Variants in GRID2 observed in about 807,000 individuals in gnomAD.
GRID2 encodes glutamate receptor ionotropic, delta-2.
Under a neutral mutation model 114.8 loss-of-function variants are expected in GRID2, and 33 were observed. The observed-to-expected ratio is 0.29, with a 90% confidence interval of 0.22 to 0.38. The LOEUF is 0.38. Among genes scored for constraint, GRID2 ranks in the 10% least tolerant of loss-of-function variants. GRID2 has a pLI of 1.00. For missense variants in GRID2, 1,184 were observed against 1,257.7 expected, an observed-to-expected ratio of 0.94 and a Z score of 0.89; for synonymous variants, 505 against 449.9, an observed-to-expected ratio of 1.12 and a Z score of -1.55.
At chr4:93,349,951 T>C (rs1760633315) in intron 8 of GRID2, among the ~76,000 whole-genome samples, 1 of 152,048 alleles carries the variant, frequency 6.6e-6, no homozygotes, top group African/African-American at 2.4e-5. Flanking sequence ...TCTTTAAAAA[T>C]ATGTGTGGAG....
intron 1 of GRID2, among the ~76,000 whole-genome samples, chr4:92,453,310 G>A (rs115404503): frequency 5.3e-5 from 8 of 152,250 alleles, no homozygotes; most frequent in African/African-American, 1.9e-4. Flanking sequence ...AGGCCAACAG[G>A]GAGTCATTGT....
At chr4:92,551,163 G>C (rs1726565781) in intron 1 of GRID2, among the ~76,000 whole-genome samples, 2 of 152,082 alleles carry the variant, frequency 1.3e-5, no homozygotes, top group Non-Finnish European at 2.9e-5. Flanking sequence ...GACATCCACA[G>C]AGGCTAAGTG....
chr4:93,381,813 A>T (rs1173530339), intron 8 of GRID2, among the ~76,000 whole-genome samples: 1 of 152,122 alleles, frequency 6.6e-6, no homozygotes, highest in Non-Finnish European at 1.5e-5. Context: ...TAGCTTTTAT[A>T]ATTGTCCATA....
At chr4:93,262,476 A>G (rs928272314) in intron 8 of GRID2, among the ~76,000 whole-genome samples, 3 of 152,028 alleles carry the variant, frequency 2.0e-5, no homozygotes, top group Admixed American at 6.6e-5. Context: ...AGAAGAAAAC[A>G]TAAAATATGA....
intron 2 of GRID2, among the ~76,000 whole-genome samples, chr4:92,837,462 T>G (rs948487942): frequency 4.6e-5 from 7 of 151,596 alleles, no homozygotes; most frequent in African/African-American, 1.5e-4. Flanking sequence ...TAGCCTGTAT[T>G]TGTACCCTTC....
intron 14 of GRID2, among the ~76,000 whole-genome samples, chr4:93,742,324 T>A (rs58485590): frequency 0.092 from 13,929 of 152,208 alleles, 1,462 homozygotes; most frequent in African/African-American, 0.25. Context: ...TTCTGAGCCT[T>A]AGTCCTTCCA....
At chr4:93,565,182 A>C (rs533434371) in intron 13 of GRID2, among the ~76,000 whole-genome samples, 2 of 152,282 alleles carry the variant, frequency 1.3e-5, no homozygotes, top group East Asian at 3.9e-4. Context: ...AATACCTTTA[A>C]GAAGTGAGTC....
chr4:93,377,411 G>C (rs113529613), intron 8 of GRID2, among the ~76,000 whole-genome samples: 1 of 152,138 alleles, frequency 6.6e-6, no homozygotes, highest in African/African-American at 2.4e-5. Flanking sequence ...AGGTTAATTG[G>C]GTGCACTGGA....
chr4:93,512,628 A>T (rs991445684), intron 12 of GRID2, among the ~76,000 whole-genome samples: 2 of 152,166 alleles, frequency 1.3e-5, no homozygotes, highest in Non-Finnish European at 2.9e-5. Context: ...AAACTACTAG[A>T]GGGAACATGC....
chr4:93,679,349 G>C (rs546736867), intron 14 of GRID2, among the ~76,000 whole-genome samples: 1 of 150,840 alleles, frequency 6.6e-6, no homozygotes. Flanking sequence ...ACACCCCACT[G>C]TCAACATTAG....
At chr4:92,799,257 AC>A (rs369397284) in intron 2 of GRID2, among the ~76,000 whole-genome samples, 2 of 151,968 alleles carry the variant, frequency 1.3e-5, no homozygotes, top group African/African-American at 4.8e-5. Context: ...CTTCTCATGC[AC>A]AGTTTGCAAT....
chr4:92,758,908 A>G (rs1737855174), intron 2 of GRID2, among the ~76,000 whole-genome samples: 1 of 152,208 alleles, frequency 6.6e-6, no homozygotes, highest in African/African-American at 2.4e-5. Context: ...CATGGAGAGC[A>G]GCAAAGGTTT....
chr4:92,518,583 A>G (rs991876515), intron 1 of GRID2, among the ~76,000 whole-genome samples: 2 of 151,790 alleles, frequency 1.3e-5, no homozygotes, highest in African/African-American at 4.8e-5. Context: ...ATGGGTATAG[A>G]GTTTCAGTTT....
At chr4:92,584,851 T>C (rs1451575510) in intron 1 of GRID2, among the ~76,000 whole-genome samples, 1 of 152,010 alleles carries the variant, frequency 6.6e-6, no homozygotes, top group Non-Finnish European at 1.5e-5. Flanking sequence ...CTACTCTACA[T>C]CTTGTAACCT....
intron 2 of GRID2, among the ~76,000 whole-genome samples, chr4:92,938,976 TG>T (rs1252716349): frequency 1.4e-5 from 2 of 147,144 alleles, no homozygotes; most frequent in Middle Eastern, 6.6e-3. Flanking sequence ...GTTGGACATT[TG>T]GGTGGGTTCC....
At chr4:93,194,877 T>C (rs568609351) in intron 4 of GRID2, among the ~76,000 whole-genome samples, 1 of 152,230 alleles carries the variant, frequency 6.6e-6, no homozygotes, top group South Asian at 2.1e-4. Context: ...CCCAGCAATC[T>C]GTGTTTAAAA....
intron 2 of GRID2, among the ~76,000 whole-genome samples, chr4:93,074,825 A>C (rs1560851204): frequency 6.6e-6 from 1 of 152,220 alleles, no homozygotes; most frequent in Non-Finnish European, 1.5e-5. Context: ...TTCAAATTTC[A>C]GGGGAATATT....
At chr4:93,600,854 A>G (rs1739604085) in intron 13 of GRID2, among the ~76,000 whole-genome samples, 1 of 152,188 alleles carries the variant, frequency 6.6e-6, no homozygotes, top group Admixed American at 6.5e-5. Context: ...TGAGCTACTG[A>G]TACACAAACC....
intron 1 of GRID2, among the ~76,000 whole-genome samples, chr4:92,511,611 C>T (rs1332250624): frequency 6.6e-6 from 1 of 151,706 alleles, no homozygotes; most frequent in Non-Finnish European, 1.5e-5. Context: ...TCGTTGCATT[C>T]AGCACTGTAG....
Sources: allele counts gnomAD v4.1 joint callset (sites outside exome capture counted in the v4.1 genomes callset), GRCh38; gene constraint gnomAD v4.1.1; transcripts MANE v1.5; gene names NCBI Gene and HGNC (gene_info 2026-07-23, HGNC 2026-07-21).